Variants in DCUN1D5 observed in about 807,000 individuals in gnomAD.
DCUN1D5 encodes DCN1-like protein 5.
A neutral mutation model predicts 38.3 loss-of-function variants in DCUN1D5; 10 were observed. The ratio of observed to expected loss-of-function variants is 0.26; its 90% CI spans 0.16 to 0.44. The LOEUF (loss-of-function observed/expected upper bound fraction) is 0.44, where lower values mean the gene tolerates loss of function less well. DCUN1D5 is among the 20% of genes least tolerant of loss of function. DCUN1D5 has a pLI of 1.00. For synonymous variants in DCUN1D5, 93 were observed against 90.9 expected (o/e 1.02, Z -0.13); for missense variants, 148 against 275.3 (o/e 0.54, Z 3.27).
Position 103,077,204 on chromosome 11 carries a change from A to T in DCUN1D5, c.341+5544T>A, listed in dbSNP as rs945691694. ...GACTGAGCAAGACGCCGTCTCAAATAAAAAAAAAAGAATAAGAGCACAAAC... is the reference window on the plus strand; with the variant it reads ...GACTGAGCAAGACGCCGTCTCAAATTAAAAAAAAAGAATAAGAGCACAAAC... On this transcript the variant is annotated intron_variant, in intron 4 of 7. Coordinates refer to ENST00000260247, the MANE Select transcript of DCUN1D5 (RefSeq NM_032299.4). The surrounding 1 kb of genome is among the most constrained non-coding windows in gnomAD (Gnocchi z 4.3). Among the ~76,000 whole-genome samples the T allele has an allele frequency of 1.3e-5, 2 of 148,644 alleles. No individual in the cohort carries two copies. The highest frequency in any genetic ancestry group is 6.7e-5 in the Admixed American group (1 of 14,878).
At chr11:103,069,946 G>A (rs1862230187) in intron 4 of DCUN1D5, among the ~76,000 whole-genome samples, 1 of 152,022 alleles carries the variant, frequency 6.6e-6, no homozygotes, top group South Asian at 2.1e-4. Flanking sequence ...AAAATCACTT[G>A]TCAAACCAAG....
rs1252703744 is a variant in DCUN1D5, at chr11:103,065,414, C to A, written c.555+855G>T. ...TCAAGTGATCTGCCTGCCTTGGCCTCCCAACGTGCTGGGATTACAGGCGTG... is the reference window on the plus strand; with the variant it reads ...TCAAGTGATCTGCCTGCCTTGGCCTACCAACGTGCTGGGATTACAGGCGTG... On this transcript the variant is annotated intron_variant, in intron 6 of 7. Coordinates refer to ENST00000260247, the MANE Select transcript of DCUN1D5 (RefSeq NM_032299.4). The surrounding 1 kb of genome is among the most constrained non-coding windows in gnomAD (Gnocchi z 4.6). 1.3e-5 allele frequency among the ~76,000 whole-genome samples: 2 copies of A among 152,170 alleles called. No homozygotes were observed. Among genetic ancestry groups the A allele is most frequent in the African/African-American group, 4.8e-5 (2 of 41,442 alleles).
At position 103,083,161 on chromosome 11, in the gene DCUN1D5, A is replaced by G; in HGVS notation, c.249+95T>C. The G allele has an allele frequency of 1.5e-6, 1 of 679,936 alleles. No homozygotes were observed. The highest frequency in any genetic ancestry group is 1.9e-5 in the South Asian group (1 of 53,200). The allele number at this position is 679,936 out of a possible 1,614,324, so 42.1% of individuals were successfully genotyped here. A position where few individuals can be genotyped will look rare whatever the true frequency, so the allele number is the denominator to read the frequency against. On this transcript the variant is annotated intron_variant, in intron 3 of 7. Coordinates refer to ENST00000260247, the MANE Select transcript of DCUN1D5 (RefSeq NM_032299.4). The surrounding 1 kb of genome is among the most constrained non-coding windows in gnomAD (Gnocchi z 4.4). ...TACAATATTAAACATGAAGAAATAA[A>G]ATCTTCATACAAGATTAAAGTGTCT...
At chr11:103,088,326 T>TA (rs1008682073) in intron 2 of DCUN1D5, among the ~76,000 whole-genome samples, 22 of 151,122 alleles carry the variant, frequency 1.5e-4, no homozygotes, top group Non-Finnish European at 2.2e-4. Context: ...TGAAGCAGGT[T>TA]AAAAAAAAGG....
chr11:103,061,068 A>AT lies in DCUN1D5; in HGVS notation c.*1290dup, dbSNP rs1861998717. Among the ~76,000 whole-genome samples the AT allele has an allele frequency of 6.6e-6, 1 of 152,182 alleles. No individual in the cohort carries two copies. Among genetic ancestry groups the AT allele is most frequent in the Non-Finnish European group, 1.5e-5 (1 of 68,022 alleles). The stretch of plus-strand genomic sequence containing the variant: ...GTGGCAATCATTTTTTTCCCAGCTG[A>AT]TTAACTAAAAAGCAAACAATAAAAC... On this transcript the variant is annotated 3_prime_UTR_variant, in exon 8 of 8. Coordinates refer to ENST00000260247, the MANE Select transcript of DCUN1D5 (RefSeq NM_032299.4).
In DCUN1D5 at chr11:103,083,646, C is replaced by G. The variant is rs1862625572; in HGVS notation, c.179-320G>C. On this transcript the variant is annotated intron_variant, in intron 2 of 7. Coordinates refer to ENST00000260247, the MANE Select transcript of DCUN1D5 (RefSeq NM_032299.4). The surrounding 1 kb of genome is among the most constrained non-coding windows in gnomAD (Gnocchi z 4.4). Reference sequence around the variant, plus strand: ...AAAAAAAATTCACTGAGAGCCTACTCTGAATAAAATTTTTGACAATGCATG... The same window carrying G: ...AAAAAAAATTCACTGAGAGCCTACTGTGAATAAAATTTTTGACAATGCATG... Among the ~76,000 whole-genome samples the G allele has an allele frequency of 6.6e-6, 1 of 151,764 alleles. No homozygotes were observed.
At chr11:103,085,122 A>G (rs1036871324) in intron 2 of DCUN1D5, among the ~76,000 whole-genome samples, 1 of 152,194 alleles carries the variant, frequency 6.6e-6, no homozygotes, top group African/African-American at 2.4e-5. Flanking sequence ...TGATTCAAAG[A>G]GAAAGCTTTA....
intron 4 of DCUN1D5, among the ~76,000 whole-genome samples, chr11:103,081,247 G>A (rs887607524): frequency 6.6e-6 from 1 of 152,110 alleles, no homozygotes; most frequent in Admixed American, 6.5e-5. Context: ...AAGAGGAGGA[G>A]GAGGAGTCCA....
Position 103,066,364 on chromosome 11 carries a change from G to C in DCUN1D5, c.460C>G (p.Gln154Glu). The C allele has an allele frequency of 6.2e-7, 1 of 1,608,798 alleles. No individual in the cohort carries two copies. The highest frequency in any genetic ancestry group is 8.5e-7 in the Non-Finnish European group (1 of 1,177,966). The change falls in exon 6 of 8, where the codon CAG (glutamine) becomes GAG (glutamate). Residue 154 changes from glutamine to glutamate, a missense_variant. Physicochemically the swap from Gln to Glu is conservative, Grantham distance 29. Transcript: ENST00000260247. This position sits in a 1 kb window ranked among gnomAD's most constrained non-coding sequence, Gnocchi z 4.7. ...GCAGTATCAATATCAAGGCTTCTCTGATCTTTATCCTAAAATATAAGTGAA... is the reference window on the plus strand; with the variant it reads ...GCAGTATCAATATCAAGGCTTCTCTCATCTTTATCCTAAAATATAAGTGAA... ...YAFDFARDKDQRSLDIDTAKS... is the reference protein window; with the variant it reads ...YAFDFARDKDERSLDIDTAKS...
Position 103,053,763 on chromosome 11 carries a change from A to G in DCUN1D5, c.*8596T>C, listed in dbSNP as rs532069782. On this transcript the variant is annotated 3_prime_UTR_variant, in exon 8 of 8. Transcript: ENST00000260247. This position sits in a 1 kb window ranked among gnomAD's most constrained non-coding sequence, Gnocchi z 4.8. ...AAATAAATACATCTATTATGTATCA[A>G]TGAAAAAAATGTATCTGAGTGGTTC... 1.4e-4 allele frequency: 21 copies of G among 152,220 alleles called. No individual in the cohort carries two copies. The highest frequency in any genetic ancestry group is 5.1e-4 in the African/African-American group (21 of 41,556). 9.4% of individuals were successfully genotyped at this position (152,220 alleles called of 1,614,324 possible). A position where few individuals can be genotyped will look rare whatever the true frequency, so the allele number is the denominator to read the frequency against.
In DCUN1D5 at chr11:103,062,676, C is replaced by A. The variant is rs1267012204; in HGVS notation, c.659-262G>T. On this transcript the variant is annotated intron_variant, in intron 7 of 7. Coordinates refer to ENST00000260247, the MANE Select transcript of DCUN1D5 (RefSeq NM_032299.4). The surrounding 1 kb of genome is among the most constrained non-coding windows in gnomAD (Gnocchi z 4.6). The stretch of plus-strand genomic sequence containing the variant: ...GAACCCTCCAGTAACTGAGTCAATA[C>A]AAATCTCTCCCTTTTTCTAAGTGTC... Among the ~76,000 whole-genome samples the A allele has an allele frequency of 6.6e-6, 1 of 152,068 alleles. No individual in the cohort carries two copies. Among genetic ancestry groups the A allele is most frequent in the Admixed American group, 6.6e-5 (1 of 15,262 alleles).
chr11:103,084,340 C>T (rs182529414), intron 2 of DCUN1D5, among the ~76,000 whole-genome samples: 3 of 152,300 alleles, frequency 2.0e-5, no homozygotes, highest in Admixed American at 1.3e-4. Context: ...AATTTGACAG[C>T]ACCATATTTA....
rs1263482035 is a variant in DCUN1D5 at position 103,071,975 on chromosome 11, A to G, written c.342-5408T>C. 6.6e-6 allele frequency among the ~76,000 whole-genome samples: 1 copy of G among 151,812 alleles called. No individual in the cohort carries two copies. The highest frequency in any genetic ancestry group is 1.5e-5 in the Non-Finnish European group (1 of 67,932). On this transcript the variant is annotated intron_variant, in intron 4 of 7. Coordinates refer to ENST00000260247, the MANE Select transcript of DCUN1D5 (RefSeq NM_032299.4). The surrounding 1 kb of genome is among the most constrained non-coding windows in gnomAD (Gnocchi z 4.1). Reference sequence around the variant, plus strand: ...AACCAGGCAAATACAAAAAAAAGCCACATAATTTTATCATTTAATACAGAA... The same window carrying G: ...AACCAGGCAAATACAAAAAAAAGCCGCATAATTTTATCATTTAATACAGAA...
rs1364133703 is a variant in DCUN1D5 at position 103,071,046 on chromosome 11, C to G, written c.342-4479G>C. On this transcript the variant is annotated intron_variant, in intron 4 of 7. Transcript: ENST00000260247. This position sits in a 1 kb window ranked among gnomAD's most constrained non-coding sequence, Gnocchi z 4.1. ...AAAATACAACATATCAAAATGTTGA[C>G]ATACAAATAAAGCAGTACTGAGAAG... Among the ~76,000 whole-genome samples the G allele has an allele frequency of 6.6e-6, 1 of 151,860 alleles. No homozygotes were observed.
chr11:103,079,736 T>C (rs755906331), intron 4 of DCUN1D5, among the ~76,000 whole-genome samples: 10 of 151,588 alleles, frequency 6.6e-5, no homozygotes, highest in South Asian at 2.1e-4. Flanking sequence ...TGAGCCATGA[T>C]TGTGTCACTG....
Position 103,073,655 on chromosome 11 carries a change from A to C in DCUN1D5, c.342-7088T>G, listed in dbSNP as rs1343599659. ...ACATAGCTTTTACAGAAATTAATTC[A>C]AAATGCACCACTGACTTACATGTAA... On this transcript the variant is annotated intron_variant, in intron 4 of 7. Coordinates refer to ENST00000260247, the MANE Select transcript of DCUN1D5 (RefSeq NM_032299.4). The surrounding 1 kb of genome is among the most constrained non-coding windows in gnomAD (Gnocchi z 4.2). Among the ~76,000 whole-genome samples the C allele has an allele frequency of 6.6e-6, 1 of 152,230 alleles. No homozygotes were observed.
rs188721253 is a variant in DCUN1D5, at chr11:103,083,046, A to G, written c.250-207T>C. Among the ~76,000 whole-genome samples the G allele has an allele frequency of 4.6e-5, 7 of 152,156 alleles. No homozygotes were observed. Among genetic ancestry groups the G allele is most frequent in the Admixed American group, 4.6e-4 (7 of 15,300 alleles). On this transcript the variant is annotated intron_variant, in intron 3 of 7. Transcript: ENST00000260247. The surrounding 1 kb of genome is among the most constrained non-coding windows in gnomAD (Gnocchi z 4.4). Reference sequence around the variant, plus strand: ...AAGTTCTAACAGTTTCTGAAGGTAGAATCTCTTATTCTATTACATATAACA... The same window carrying G: ...AAGTTCTAACAGTTTCTGAAGGTAGGATCTCTTATTCTATTACATATAACA...
rs766038287 is a variant in DCUN1D5 at position 103,065,506 on chromosome 11, C to G, written c.555+763G>C. 3.9e-5 allele frequency among the ~76,000 whole-genome samples: 6 copies of G among 152,000 alleles called. No homozygotes were observed. The highest frequency in any genetic ancestry group is 1.2e-4 in the African/African-American group (5 of 41,386). On this transcript the variant is annotated intron_variant, in intron 6 of 7. Coordinates refer to ENST00000260247, the MANE Select transcript of DCUN1D5 (RefSeq NM_032299.4). The surrounding 1 kb of genome is among the most constrained non-coding windows in gnomAD (Gnocchi z 4.6). The stretch of plus-strand genomic sequence containing the variant: ...TTTTACTACTCTGGGAAAAGGGAAG[C>G]AGCTATAAGCAATGTGCTTTATGAG...
rs1292182920 is a variant in DCUN1D5, at chr11:103,086,838, AAAT to A, written c.178+2386_178+2388del. Among the ~76,000 whole-genome samples the A allele has an allele frequency of 4.0e-5, 6 of 151,880 alleles. No homozygotes were observed. The highest frequency in any genetic ancestry group is 2.6e-4 in the Admixed American group (4 of 15,246). ...TTAGCTTAAATAAAAAATAAACATA[AAAT>A]AATATCTATTATAATAAAATGTTTA... On this transcript the variant is annotated intron_variant, in intron 2 of 7. Coordinates refer to ENST00000260247, the MANE Select transcript of DCUN1D5 (RefSeq NM_032299.4). The surrounding 1 kb of genome is among the most constrained non-coding windows in gnomAD (Gnocchi z 4.1).
Sources: gnomAD v4.1 joint callset for allele counts (sites outside exome capture counted in the v4.1 genomes callset) on GRCh38, gnomAD v4.1.1 for gene constraint, Gnocchi (gnomAD v3.1) non-coding constraint, MANE v1.5 for transcripts, NCBI Gene and HGNC (gene_info 2026-07-23, HGNC 2026-07-21) for gene names.